Variants in INPP4B observed in about 807,000 individuals in gnomAD.
INPP4B encodes inositol polyphosphate 4-phosphatase type II.
In INPP4B, 55 loss-of-function variants were observed where a neutral mutation model predicts 122.5. That is an observed-to-expected ratio of 0.45 (90% CI 0.36 to 0.56). The LOEUF (loss-of-function observed/expected upper bound fraction) is 0.56. Ranked by LOEUF, INPP4B falls within the 20% of genes least tolerant of loss-of-function variation. The pLI is 0.00. For missense variants in INPP4B, 1,000 were observed against 1,097.7 expected (o/e 0.91, Z 1.26); for synonymous variants, 403 against 388.7 (o/e 1.04, Z -0.43).
In INPP4B at chr4:142,075,343, A is replaced by G. The variant is rs1024040045; in HGVS notation, c.2642+6688T>C. On this transcript the variant is annotated intron_variant, in intron 25 of 25. Transcript: ENST00000262992. Reference sequence around the variant, plus strand: ...AAAGCTGTGGGAATTCAGGACTTAGACATTCTCTAGTTCCACAAACTGAGT... The same window carrying G: ...AAAGCTGTGGGAATTCAGGACTTAGGCATTCTCTAGTTCCACAAACTGAGT... Among the ~76,000 whole-genome samples the G allele has an allele frequency of 5.3e-5, 8 of 151,858 alleles. No homozygotes were observed. The South Asian group carries it at 1.5e-3, about 28-fold the overall frequency.
intron 12 of INPP4B, 64 bp from the exon 13 acceptor site, chr4:142,209,090 T>TA (rs1199939566): frequency 2.5e-6 from 3 of 1,187,514 alleles, no homozygotes; most frequent in Admixed American, 2.1e-5. Context: ...GCATAACCCT[T>TA]AGTCAGAGTT....
At chr4:142,406,124 C>T (rs1048119276) in intron 5 of INPP4B, among the ~76,000 whole-genome samples, 1 of 152,088 alleles carries the variant, frequency 6.6e-6, no homozygotes, top group African/African-American at 2.4e-5. Context: ...CCTCTCTATC[C>T]CCGCCACCCT....
chr4:142,091,065 T>C (rs1779306134), intron 23 of INPP4B, among the ~76,000 whole-genome samples: 2 of 152,158 alleles, frequency 1.3e-5, no homozygotes. Flanking sequence ...ATTCAGGATA[T>C]TGATGTTCTC....
At chr4:142,308,208 A>G (rs1369141317) in intron 8 of INPP4B, among the ~76,000 whole-genome samples, 1 of 152,210 alleles carries the variant, frequency 6.6e-6, no homozygotes, top group Non-Finnish European at 1.5e-5. Context: ...TATAACTGTC[A>G]GCCACTTGCT....
In INPP4B at chr4:142,238,012, C is replaced by A; in HGVS notation, c.689-1G>T. 1 of 1,461,078 alleles carries A rather than the reference C, an allele frequency of 6.8e-7. No homozygotes were observed. Among genetic ancestry groups the A allele is most frequent in the Non-Finnish European group, 9.4e-7 (1 of 1,064,328 alleles). 90.5% of individuals were successfully genotyped at this position (1,461,078 alleles called of 1,614,324 possible). A position where few individuals can be genotyped will look rare whatever the true frequency, so the allele number is the denominator to read the frequency against. On this transcript the variant is annotated splice_acceptor_variant, in intron 11 of 25. Coordinates refer to ENST00000262992, the MANE Select transcript of INPP4B (RefSeq NM_001101669.3). LOFTEE classifies it high-confidence loss of function. ...AATTTACATACTGGGTTCTTTAACA[C>A]TGGAAAAAAAAAGAAAAAATAATAG...
chr4:142,840,222 T>C (rs76537965), intron 1 of INPP4B, among the ~76,000 whole-genome samples: 236 of 152,234 alleles, frequency 1.6e-3, no homozygotes, highest in South Asian at 4.8e-3. Context: ...TGAAGTGTCA[T>C]TGAGGTAATT....
chr4:142,160,238 C>T, intron 17 of INPP4B, 120 bp downstream of exon 17: 1 of 693,476 alleles, frequency 1.4e-6, no homozygotes, highest in Non-Finnish European at 2.1e-6. Flanking sequence ...CCTATTTATC[C>T]ACAATCAGTG....
intron 12 of INPP4B, among the ~76,000 whole-genome samples, chr4:142,209,907 G>A (rs1322025076): frequency 1.3e-5 from 2 of 150,494 alleles, no homozygotes; most frequent in African/African-American, 4.9e-5. Context: ...TACTGTATGT[G>A]TATGCGTTGC....
intron 2 of INPP4B, among the ~76,000 whole-genome samples, chr4:142,628,506 T>C (rs1747096545): frequency 1.5e-5 from 2 of 130,756 alleles, no homozygotes; most frequent in Admixed American, 1.7e-4. Context: ...GGCACATGTA[T>C]ACATATGTGA....
intron 8 of INPP4B, among the ~76,000 whole-genome samples, chr4:142,314,397 T>C (rs2151314920): frequency 6.6e-6 from 1 of 152,268 alleles, no homozygotes. Flanking sequence ...ATCACATCTG[T>C]AATTTCCCTC....
At chr4:142,206,991 A>G (rs185971771) in intron 14 of INPP4B, among the ~76,000 whole-genome samples, 1 of 151,612 alleles carries the variant, frequency 6.6e-6, no homozygotes, top group Admixed American at 6.6e-5. Flanking sequence ...CCACCATTAT[A>G]CTCCCTGCTT....
intron 2 of INPP4B, among the ~76,000 whole-genome samples, chr4:142,548,247 TGA>T (rs1462061035): frequency 6.6e-6 from 1 of 152,124 alleles, no homozygotes; most frequent in Non-Finnish European, 1.5e-5. Flanking sequence ...GAGAGAATGT[TGA>T]GAGAGTCACA....
chr4:142,728,949 T>TA (rs5862609), intron 1 of INPP4B, among the ~76,000 whole-genome samples: 2 of 151,820 alleles, frequency 1.3e-5, no homozygotes, highest in African/African-American at 4.8e-5. Flanking sequence ...TAGAACTTAT[T>TA]AAAAAAAAAT....
chr4:142,367,977 T>C (rs1364680253), intron 7 of INPP4B, among the ~76,000 whole-genome samples: 1 of 152,172 alleles, frequency 6.6e-6, no homozygotes, highest in African/African-American at 2.4e-5. Flanking sequence ...TCACCCAGTG[T>C]ATTTCCTGTC....
At chr4:142,486,172 G>T (rs72724600) in intron 2 of INPP4B, among the ~76,000 whole-genome samples, 3,602 of 152,198 alleles carry the variant, frequency 0.024, 60 homozygotes, top group Middle Eastern at 0.051. Flanking sequence ...TATATGAAAA[G>T]AAATAAACTT....
In INPP4B at chr4:142,234,352, G is replaced by T. The variant is rs79737830; in HGVS notation, c.836+3512C>A. 4.9e-3 allele frequency among the ~76,000 whole-genome samples: 744 copies of T among 152,150 alleles called. 10 individuals are homozygous for T. Among genetic ancestry groups the T allele is most frequent in the African/African-American group, 0.017 (710 of 41,516 alleles). ...CTGCTGGCTCTGTGGATTTAATGTG[G>T]CCACTGCATTTTAAAATTTCATTAT... On this transcript the variant is annotated intron_variant, in intron 12 of 25. Coordinates refer to ENST00000262992, the MANE Select transcript of INPP4B (RefSeq NM_001101669.3).
At chr4:142,361,379 G>A (rs1785343706) in intron 7 of INPP4B, among the ~76,000 whole-genome samples, 2 of 151,936 alleles carry the variant, frequency 1.3e-5, no homozygotes, top group Non-Finnish European at 2.9e-5. Context: ...AATAGTACTG[G>A]TAGGTGGGAG....
chr4:142,162,791 A>AT (rs571334291), intron 16 of INPP4B, among the ~76,000 whole-genome samples: 5 of 151,762 alleles, frequency 3.3e-5, no homozygotes, highest in Non-Finnish European at 5.9e-5. Context: ...AAAACCCAAA[A>AT]TTTTTTTTGG....
intron 23 of INPP4B, among the ~76,000 whole-genome samples, chr4:142,092,747 A>G (rs953031991): frequency 5.9e-5 from 9 of 152,218 alleles, no homozygotes; most frequent in Non-Finnish European, 1.0e-4. Context: ...AAAGCATTCT[A>G]AGGTAAGCAA....
Sources: allele counts gnomAD v4.1 joint callset (sites outside exome capture counted in the v4.1 genomes callset), GRCh38; gene constraint gnomAD v4.1.1; transcripts MANE v1.5; gene names NCBI Gene and HGNC (gene_info 2026-07-23, HGNC 2026-07-21).